COL6A6: variants seen among roughly 807,000 people sequenced by gnomAD.
The protein encoded by COL6A6 is collagen type VI alpha 6 chain.
Under a neutral mutation model 208.6 loss-of-function variants are expected in COL6A6, and 183 were observed. The ratio of observed to expected loss-of-function variants is 0.88; its 90% CI spans 0.78 to 0.99. The LOEUF (loss-of-function observed/expected upper bound fraction) is 0.99, where lower values mean the gene tolerates loss of function less well. Ranked by LOEUF, COL6A6 falls within the 50% of genes least tolerant of loss-of-function variation. The pLI is 0.00. For synonymous variants in COL6A6, 973 were observed against 1,011.8 expected, an observed-to-expected ratio of 0.96 and a Z score of 0.73; for missense variants, 2,816 against 2,815.2, an observed-to-expected ratio of 1.00 and a Z score of -0.01.
intron 17 of COL6A6, among the ~76,000 whole-genome samples, chr3:130,593,817 G>T (rs960172426): frequency 1.3e-5 from 2 of 152,184 alleles, no homozygotes; most frequent in African/African-American, 4.8e-5. Flanking sequence ...GTTGACAAGG[G>T]TCAGTGGTGC....
intron 17 of COL6A6, 69 bp downstream of exon 17, chr3:130,593,321 T>C: frequency 8.2e-7 from 1 of 1,223,372 alleles, no homozygotes; most frequent in Non-Finnish European, 1.2e-6. Context: ...CAGAGTAGAA[T>C]ACTCAGTCAG....
chr3:130,661,249 A>G (rs550504303), intron 34 of COL6A6, among the ~76,000 whole-genome samples: 2 of 152,300 alleles, frequency 1.3e-5, no homozygotes, highest in African/African-American at 4.8e-5. Flanking sequence ...GTAGAATATA[A>G]GCGTAGTGAT....
chr3:130,617,679 T>G (rs1194736612), intron 23 of COL6A6, among the ~76,000 whole-genome samples: 2 of 152,214 alleles, frequency 1.3e-5, no homozygotes, highest in Non-Finnish European at 2.9e-5. Context: ...TATCTAACTT[T>G]TAAAGAAGCT....
intron 1 of COL6A6, among the ~76,000 whole-genome samples, chr3:130,554,361 G>A (rs527473260): frequency 4.6e-5 from 7 of 152,330 alleles, no homozygotes; most frequent in South Asian, 4.1e-4. Context: ...TGGTGCAGAC[G>A]TGCTGACCTC....
chr3:130,578,604 G>C (rs1490275168), intron 8 of COL6A6, among the ~76,000 whole-genome samples: 1 of 152,172 alleles, frequency 6.6e-6, no homozygotes, highest in Non-Finnish European at 1.5e-5. Flanking sequence ...GCCCAGCAGA[G>C]GGAATAAAAG....
chr3:130,634,555 G>T (rs1170530921), intron 26 of COL6A6, 35 bp from the exon 27 acceptor site: 1 of 1,578,356 alleles, frequency 6.3e-7, no homozygotes, highest in Non-Finnish European at 8.7e-7. Flanking sequence ...TGGGTGATGT[G>T]TGCCTGTATA....
rs138475126 is a variant in COL6A6, at chr3:130,658,017, G to T, written c.5734-659G>T. Among the ~76,000 whole-genome samples the T allele has an allele frequency of 7.3e-3, 1,113 of 152,252 alleles. 9 individuals are homozygous for T. The highest frequency in any genetic ancestry group is 0.012 in the Non-Finnish European group (791 of 68,028). ...CTCTACCCTCAAGCTCCCCCTGTGG[G>T]TTACTAACAATGGGGCCAAGTTGGG... On this transcript the variant is annotated intron_variant, in intron 33 of 36. Coordinates refer to ENST00000358511, the MANE Select transcript of COL6A6 (RefSeq NM_001102608.3).
intron 1 of COL6A6, among the ~76,000 whole-genome samples, chr3:130,556,192 A>G (rs188912521): frequency 1.4e-4 from 22 of 152,196 alleles, no homozygotes; most frequent in Non-Finnish European, 7.3e-5. Flanking sequence ...CGTTCCATCC[A>G]TGTTGCTGCA....
chr3:130,547,124 C>T (rs1020085952), intron 1 of COL6A6, among the ~76,000 whole-genome samples: 2 of 152,264 alleles, frequency 1.3e-5, no homozygotes, highest in African/African-American at 4.8e-5. Flanking sequence ...GGGCGACGCC[C>T]ATCTGGGAGG....
At chr3:130,620,294 C>T (rs7639474) in intron 23 of COL6A6, among the ~76,000 whole-genome samples, 6,373 of 152,050 alleles carry the variant, frequency 0.042, 474 homozygotes, top group African/African-American at 0.14. Flanking sequence ...AACAATAAGG[C>T]CAGAGGATGG....
intron 18 of COL6A6, among the ~76,000 whole-genome samples, chr3:130,597,208 T>TTG (rs2063876621): frequency 6.6e-6 from 1 of 152,218 alleles, no homozygotes; most frequent in Admixed American, 6.5e-5. Flanking sequence ...GATATTGTAA[T>TTG]TGAGGTATAC....
intron 1 of COL6A6, among the ~76,000 whole-genome samples, chr3:130,521,078 A>G (rs978537454): frequency 7.9e-5 from 12 of 152,180 alleles, no homozygotes; most frequent in Non-Finnish European, 1.6e-4. Flanking sequence ...ACATGTAACC[A>G]TTTTAAAACC....
chr3:130,521,427 G>A (rs999945564), intron 1 of COL6A6, among the ~76,000 whole-genome samples: 6 of 152,022 alleles, frequency 3.9e-5, no homozygotes, highest in East Asian at 1.9e-4. Context: ...CCATATTTTC[G>A]TACCCCTACC....
intron 2 of COL6A6, 27 bp from the exon 3 acceptor site, chr3:130,563,041 T>G: frequency 6.6e-7 from 1 of 1,507,640 alleles, no homozygotes; most frequent in Non-Finnish European, 9.0e-7. Context: ...AAGTTTTTGG[T>G]TCGTTCATAT....
chr3:130,662,095 G>A lies in COL6A6; in HGVS notation c.6289G>A (p.Asp2097Asn), dbSNP rs2065950270. 1 of 1,614,002 alleles carries A rather than the reference G, an allele frequency of 6.2e-7. No individual in the cohort carries two copies. The highest frequency in any genetic ancestry group is 8.5e-7 in the Non-Finnish European group (1 of 1,179,870). Residue 2097 changes from aspartate (D) to asparagine (N), a missense_variant, in exon 35 of 37, where the codon GAT becomes AAT. Asp to Asn is a conservative substitution (Grantham distance 23). Transcript: ENST00000358511. ...ATCTGCTGGGGAAACCAGCCACTTA[G>A]ATGGGGAAATCTTAAAGAAGGAATC... Reference protein sequence around the residue: ...VISAGETSHLDGEILKKESLR... With the variant: ...VISAGETSHLNGEILKKESLR...
chr3:130,661,486 A>G (rs2065928706), intron 34 of COL6A6, 151 bp from the exon 35 acceptor site: 1 of 638,326 alleles, frequency 1.6e-6, no homozygotes, highest in African/African-American at 1.8e-5. Context: ...GATGCAAACC[A>G]TGTACTAGGA....
chr3:130,584,796 A>G (rs899073325), intron 10 of COL6A6, among the ~76,000 whole-genome samples: 3 of 151,716 alleles, frequency 2.0e-5, no homozygotes, highest in African/African-American at 7.3e-5. Flanking sequence ...TTGTATTTTC[A>G]GTAGAGATGG....
At chr3:130,664,855 A>G in intron 35 of COL6A6, 148 bp from the exon 36 acceptor site, 1 of 591,882 alleles carries the variant, frequency 1.7e-6, no homozygotes, top group Non-Finnish European at 3.0e-6. Context: ...TCCCCTGAGA[A>G]ATCTGCTTTC....
Position 130,568,252 on chromosome 3 carries a change from C to T in COL6A6, c.2049C>T (p.Ser683=), listed in dbSNP as rs61730501. The T allele has an allele frequency of 2.1e-3, 3,384 of 1,613,942 alleles. 49 individuals are homozygous for T. The African/African-American group carries it at 0.036, about 17-fold the overall frequency. Residue 683 remains serine, a synonymous_variant, in exon 6 of 37, where the codon AGC becomes AGT. Transcript: ENST00000358511. ...EFQLNRFMSQ[S]DISNAIDQMA... is the part of the protein sequence containing the mutation. Reference sequence around the variant, plus strand: ...AGCTCAACAGATTCATGTCCCAAAGCGACATTTCAAATGCAATAGACCAAA... The same window carrying T: ...AGCTCAACAGATTCATGTCCCAAAGTGACATTTCAAATGCAATAGACCAAA...
Sources: gnomAD v4.1 joint callset for allele counts (sites outside exome capture counted in the v4.1 genomes callset) on GRCh38, gnomAD v4.1.1 for gene constraint, MANE v1.5 for transcripts, NCBI Gene and HGNC (gene_info 2026-07-23, HGNC 2026-07-21) for gene names.